Variants in CCNF observed in about 807,000 individuals in gnomAD.
CCNF encodes the protein cyclin F.
CCNF carries 30 observed loss-of-function variants against 85.4 expected under a neutral mutation model. The ratio of observed to expected loss-of-function variants is 0.35; its 90% CI spans 0.26 to 0.48. CCNF has a LOEUF of 0.48. Ranked by LOEUF, CCNF falls within the 20% of genes least tolerant of loss-of-function variation. The pLI is 0.99. For missense variants in CCNF, 919 were observed against 1,010.4 expected (o/e 0.91, Z 1.23); for synonymous variants, 439 against 425.1 (o/e 1.03, Z -0.40).
intron 10 of CCNF, among the ~76,000 whole-genome samples, chr16:2,445,918 C>G (rs2065360034): frequency 6.6e-6 from 1 of 151,942 alleles, no homozygotes; most frequent in African/African-American, 2.4e-5. Flanking sequence ...TTAGTAGAGA[C>G]GGGGTTTCAT....
Position 2,449,844 on chromosome 16 carries a change from T to G in CCNF, c.1416T>G (p.Thr472=). 7.4e-7 allele frequency: 1 copy of G among 1,359,784 alleles called. No individual in the cohort carries two copies. Among genetic ancestry groups the G allele is most frequent in the Non-Finnish European group, 9.7e-7 (1 of 1,034,302 alleles). The allele number at this position is 1,359,784 out of a possible 1,614,324, so 84.2% of individuals were successfully genotyped here. A position where few individuals can be genotyped will look rare whatever the true frequency, so the allele number is the denominator to read the frequency against. The change falls in exon 13 of 17, where the codon ACT becomes ACG. Residue 472 remains threonine, a synonymous_variant. Transcript: ENST00000397066. The part of the protein sequence containing the change: ...LTHGQTQPWT[T]QLWDLTGFSY... ...CCTCCCCAGCACAGCCCTGGACCAC[T>G]CAGCTGTGGGACCTCACCGGATTCT...
At chr16:2,449,137 C>T in intron 11 of CCNF, 145 bp from the exon 12 acceptor site, 2 of 1,419,596 alleles carry the variant, frequency 1.4e-6, no homozygotes, top group Non-Finnish European at 2.0e-6. Context: ...CACGGTTGCA[C>T]CACGTCGCCA....
chr16:2,455,057 CAAAAAAAAAAA>C (rs113432361), intron 15 of CCNF, among the ~76,000 whole-genome samples: 3 of 47,238 alleles, frequency 6.4e-5, no homozygotes, highest in Non-Finnish European at 8.8e-5. Context: ...AAGAACACCT[CAAAAAAAAAAA>C]AAAAAAAAAA....
chr16:2,453,310 G>A lies in CCNF; in HGVS notation c.1587+1G>A. On this transcript the variant is annotated splice_donor_variant, in intron 14 of 16. Transcript: ENST00000397066. LOFTEE classifies it high-confidence loss of function. This position sits in a 1 kb window ranked among gnomAD's most constrained non-coding sequence, Gnocchi z 5.6. ...CTATGGAGAAATCAGCCAGGAAGAG[G>A]TGCCTCCCTCCCGCCACCTGGGCGT... 1 of 1,613,916 alleles carries A rather than the reference G, an allele frequency of 6.2e-7. No individual in the cohort carries two copies.
intron 13 of CCNF, among the ~76,000 whole-genome samples, chr16:2,450,479 C>A (rs1219838450): frequency 6.6e-6 from 1 of 150,896 alleles, no homozygotes; most frequent in Non-Finnish European, 1.5e-5. Context: ...CCATTGCACT[C>A]CAGCCCAGGC....
At position 2,437,271 on chromosome 16, in the gene CCNF, C is replaced by T. The variant is rs750999801; in HGVS notation, c.489C>T (p.Cys163=). The T allele has an allele frequency of 9.3e-6, 15 of 1,608,996 alleles. No homozygotes were observed. Among genetic ancestry groups the T allele is most frequent in the East Asian group, 8.9e-5 (4 of 44,816 alleles). Residue 163 remains cysteine, a synonymous_variant, in exon 5 of 17, where the codon TGC becomes TGT. Coordinates refer to ENST00000397066, the MANE Select transcript of CCNF (RefSeq NM_001761.3). ...CTCCGTGGTCGGTGAGCGGAAGCTG[C>T]TGCAAGGCCGTGGTTCACGAGAGCC... The part of the protein sequence containing the change: ...IRPPWSVSGS[C]CKAVVHESLR...
At chr16:2,435,144 G>T (rs4602040) in intron 3 of CCNF, among the ~76,000 whole-genome samples, 113,666 of 150,606 alleles carry the variant, frequency 0.75, 43,838 homozygotes, top group African/African-American at 0.92. Flanking sequence ...CCAGCTACTC[G>T]GGAGGCTGAG....
At chr16:2,438,008 A>G (rs2065300703) in intron 5 of CCNF, 62 bp from the exon 6 acceptor site, 17 of 1,113,150 alleles carry the variant, frequency 1.5e-5, no homozygotes, top group Non-Finnish European at 1.9e-5. Flanking sequence ...CAGACAAGGG[A>G]GTGGTGGCCC....
In CCNF at chr16:2,456,765, C is replaced by G; in HGVS notation, c.2106C>G (p.Tyr702Ter). ...GGAAGGACGTCACGACCTCAGGGTA[C>G]TCCTCCGTCAGCACCGCAAGTCCCA... ...EPGKDVTTSG[Y>*]SSVSTASPTS... The change falls in exon 17 of 17, where the codon TAC becomes TAG. Residue 702 changes from tyrosine to a stop codon, truncating the protein, a stop_gained. Transcript: ENST00000397066. LOFTEE classifies it low-confidence loss of function (END_TRUNC). This position sits in a 1 kb window ranked among gnomAD's most constrained non-coding sequence, Gnocchi z 4.5. 1 of 1,613,048 alleles carries G rather than the reference C, an allele frequency of 6.2e-7. No homozygotes were observed. Among genetic ancestry groups the G allele is most frequent in the Non-Finnish European group, 8.5e-7 (1 of 1,179,480 alleles).
At chr16:2,437,385 C>T in intron 5 of CCNF, 63 bp downstream of exon 5, 1 of 1,304,220 alleles carries the variant, frequency 7.7e-7, no homozygotes, top group East Asian at 2.5e-5. Context: ...CACAGGAAGA[C>T]CCCGAGGGTA....
In CCNF at chr16:2,442,643, A is replaced by C. The variant is rs752251200; in HGVS notation, c.778-1006A>C. On this transcript the variant is annotated intron_variant, in intron 8 of 16. Transcript: ENST00000397066. ...TATAATATATAATATTATATAATAT[A>C]ATATTATTATATATAATATATAATA... 6.9e-3 allele frequency among the ~76,000 whole-genome samples: 49 copies of C among 7,126 alleles called. 11 individuals are homozygous for C. The highest frequency in any genetic ancestry group is 6.9e-3 in the Non-Finnish European group (39 of 5,612). 4.7% of individuals were successfully genotyped at this position (7,126 alleles called of 152,430 possible).
intron 10 of CCNF, 90 bp downstream of exon 10, chr16:2,445,712 TG>T (rs1170257630): frequency 5.0e-5 from 61 of 1,225,812 alleles, no homozygotes; most frequent in Non-Finnish European, 6.5e-5. Flanking sequence ...CTCACTGGTT[TG>T]GTTTTGTTTT....
intron 9 of CCNF, among the ~76,000 whole-genome samples, chr16:2,445,205 G>A (rs1017848824): frequency 1.3e-5 from 2 of 152,184 alleles, no homozygotes; most frequent in Admixed American, 1.3e-4. Context: ...GCGTCAGGTC[G>A]AGGTCTCAAA....
chr16:2,431,338 A>C, intron 2 of CCNF, 54 bp downstream of exon 2: 1 of 1,575,774 alleles, frequency 6.3e-7, no homozygotes, highest in South Asian at 1.1e-5. Flanking sequence ...TTATACCATC[A>C]GGCCTTGTGT....
intron 1 of CCNF, among the ~76,000 whole-genome samples, chr16:2,430,326 A>G (rs1295415165): frequency 6.6e-6 from 1 of 152,110 alleles, no homozygotes; most frequent in Non-Finnish European, 1.5e-5. Context: ...CTGTGAAATA[A>G]GGGCTAAGGT....
At chr16:2,446,760 G>A (rs1463751819) in intron 10 of CCNF, among the ~76,000 whole-genome samples, 2 of 152,238 alleles carry the variant, frequency 1.3e-5, no homozygotes, top group South Asian at 2.1e-4. Context: ...TTTGTTTCAT[G>A]AGGAAGCAGA....
At chr16:2,438,162 G>C (rs371389975) in intron 6 of CCNF, 39 bp downstream of exon 6, 3 of 1,410,562 alleles carry the variant, frequency 2.1e-6, no homozygotes, top group Non-Finnish European at 2.0e-6. Context: ...CTTTGTGTTC[G>C]ATACATCCCT....
Position 2,455,465 on chromosome 16 carries a change from CAGG to C in CCNF, c.1792_1794del (p.Glu598del), listed in dbSNP as rs770543533. 12 of 1,604,414 alleles carry C rather than the reference CAGG, an allele frequency of 7.5e-6. No individual in the cohort carries two copies. The highest frequency in any genetic ancestry group is 5.3e-5 in the African/African-American group (4 of 74,776). ...CACCCCCACTGCGGAGCTGTCCAGC[CAGG>C]AGGAGACGCTGCTGGGCAGCTTCCT... On this transcript the variant is annotated inframe_deletion, in exon 16 of 17. Transcript: ENST00000397066.
chr16:2,449,514 A>G (rs755321258), intron 12 of CCNF, 52 bp downstream of exon 12: 14 of 1,545,158 alleles, frequency 9.1e-6, no homozygotes, highest in Middle Eastern at 2.1e-4. Flanking sequence ...GTGCTGACAT[A>G]GGAGGAGGCT....
Sources: allele counts gnomAD v4.1 joint callset (sites outside exome capture counted in the v4.1 genomes callset), GRCh38; gene constraint gnomAD v4.1.1; non-coding constraint Gnocchi (gnomAD v3.1); transcripts MANE v1.5; gene names NCBI Gene and HGNC (gene_info 2026-07-23, HGNC 2026-07-21).